Variants in SCUBE1 observed in about 807,000 individuals in gnomAD.
SCUBE1 encodes the protein signal peptide, CUB domain and EGF like domain containing 1, also known as signal peptide, CUB and EGF-like domain-containing protein 1.
Under a neutral mutation model 124.4 loss-of-function variants are expected in SCUBE1, and 59 were observed. The ratio of observed to expected loss-of-function variants is 0.47; its 90% CI spans 0.38 to 0.59. The LOEUF (loss-of-function observed/expected upper bound fraction) is 0.59. Among genes scored for constraint, SCUBE1 ranks in the 20% least tolerant of loss-of-function variants. SCUBE1 has a pLI of 0.00. For missense variants in SCUBE1, 1,150 were observed against 1,371.2 expected, an observed-to-expected ratio of 0.84 and a Z score of 2.55; for synonymous variants, 545 against 550.9, an observed-to-expected ratio of 0.99 and a Z score of 0.15.
chr22:43,258,734 G>A lies in SCUBE1; in HGVS notation c.611-399C>T, dbSNP rs1923761039. ...CCAGGACATACTTGTCAAGCTGTCG[G>A]GGGAGGGACATGGCGGCCCGTGGTT... On this transcript the variant is annotated intron_variant, in intron 5 of 21. Coordinates refer to ENST00000360835, the MANE Select transcript of SCUBE1 (RefSeq NM_173050.5). This position sits in a 1 kb window ranked among gnomAD's most constrained non-coding sequence, Gnocchi z 5.0. 6.6e-6 allele frequency among the ~76,000 whole-genome samples: 1 copy of A among 152,214 alleles called. No homozygotes were observed. Among genetic ancestry groups the A allele is most frequent in the Admixed American group, 6.5e-5 (1 of 15,288 alleles).
chr22:43,289,987 G>C (rs1223915183), intron 4 of SCUBE1, among the ~76,000 whole-genome samples: 1 of 152,180 alleles, frequency 6.6e-6, no homozygotes. Flanking sequence ...TCCTTGTTAA[G>C]GGTCAGCAAT....
At chr22:43,306,753 C>T (rs879525564) in intron 3 of SCUBE1, among the ~76,000 whole-genome samples, 12 of 152,252 alleles carry the variant, frequency 7.9e-5, no homozygotes, top group Admixed American at 4.6e-4. Context: ...GAAAGAAAAC[C>T]GAGAGCAGAG....
At position 43,268,296 on chromosome 22, in the gene SCUBE1, TC is replaced by T. The variant is rs1476167017; in HGVS notation, c.485-5452del. On this transcript the variant is annotated intron_variant, in intron 4 of 21. Transcript: ENST00000360835. ...CTGCTCTTGGGAGCCATAGGACAGCTCCCTTGACCTAGATATGGGGAGAACC... is the reference window on the plus strand; with the variant it reads ...CTGCTCTTGGGAGCCATAGGACAGCTCCTTGACCTAGATATGGGGAGAACC... 2.6e-5 allele frequency among the ~76,000 whole-genome samples: 4 copies of T among 152,190 alleles called. No individual in the cohort carries two copies. The East Asian group carries it at 7.7e-4, about 29-fold the overall frequency.
chr22:43,274,897 A>T (rs1924439566), intron 4 of SCUBE1, among the ~76,000 whole-genome samples: 1 of 152,202 alleles, frequency 6.6e-6, no homozygotes, highest in Non-Finnish European at 1.5e-5. Context: ...TCGAGGACAA[A>T]AGGGGCTCAT....
In SCUBE1 at chr22:43,198,696, A is replaced by G. The variant is rs1355687681; in HGVS notation, c.*5301T>C. On this transcript the variant is annotated 3_prime_UTR_variant, in exon 22 of 22. Coordinates refer to ENST00000360835, the MANE Select transcript of SCUBE1 (RefSeq NM_173050.5). ...GCCAGGGTGACCAGACTTCCTGAGC[A>G]TGGACCAGGGGAGGTGAAAATGGCT... 2.2e-6 allele frequency: 1 copy of G among 456,722 alleles called. No individual in the cohort carries two copies. The highest frequency in any genetic ancestry group is 6.9e-5 in the East Asian group (1 of 14,396). 28.3% of individuals were successfully genotyped at this position (456,722 alleles called of 1,614,324 possible).
At chr22:43,289,758 G>A (rs1925285622) in intron 4 of SCUBE1, among the ~76,000 whole-genome samples, 1 of 152,186 alleles carries the variant, frequency 6.6e-6, no homozygotes, top group Admixed American at 6.5e-5. Context: ...CGAGGAATCT[G>A]GGGAGCAGTC....
chr22:43,258,975 C>G lies in SCUBE1; in HGVS notation c.611-640G>C, dbSNP rs1601836064. Among the ~76,000 whole-genome samples, 2 of 152,338 alleles carry G rather than the reference C, an allele frequency of 1.3e-5. No individual in the cohort carries two copies. Among genetic ancestry groups the G allele is most frequent in the East Asian group, 3.9e-4 (2 of 5,188 alleles). ...TCTGAGGTACGGTTTTGAAAATCAC[C>G]TAAATAATAACCACGTTACATTGTT... is the stretch of plus-strand genomic sequence containing the variant. On this transcript the variant is annotated intron_variant, in intron 5 of 21. Transcript: ENST00000360835. The surrounding 1 kb of genome is among the most constrained non-coding windows in gnomAD (Gnocchi z 5.0).
intron 8 of SCUBE1, among the ~76,000 whole-genome samples, chr22:43,230,622 A>G (rs1054431022): frequency 4.6e-5 from 7 of 152,200 alleles, no homozygotes; most frequent in African/African-American, 1.7e-4. Flanking sequence ...AAGTCAGAAG[A>G]ACCCTGATAG....
intron 4 of SCUBE1, among the ~76,000 whole-genome samples, chr22:43,290,237 T>C (rs6003142): frequency 5.3e-5 from 8 of 150,116 alleles, no homozygotes; most frequent in South Asian, 2.1e-4. Context: ...GTGTCCTGGC[T>C]CTCTCCTCCA....
chr22:43,294,736 G>A (rs941637784), intron 3 of SCUBE1, among the ~76,000 whole-genome samples: 1 of 152,184 alleles, frequency 6.6e-6, no homozygotes, highest in Non-Finnish European at 1.5e-5. Flanking sequence ...GGTGTGTGCA[G>A]CCCTCCTCCT....
At chr22:43,281,554 C>T (rs73422087) in intron 4 of SCUBE1, among the ~76,000 whole-genome samples, 145 of 132,880 alleles carry the variant, frequency 1.1e-3, no homozygotes, top group African/African-American at 4.3e-3. Flanking sequence ...CCTCCTGTCA[C>T]CTCCCCCTCA....
chr22:43,238,905 T>C lies in SCUBE1; in HGVS notation c.777A>G (p.Thr259=), dbSNP rs774075537. 6.8e-6 allele frequency: 11 copies of C among 1,613,070 alleles called. No individual in the cohort carries two copies. The highest frequency in any genetic ancestry group is 6.7e-5 in the African/African-American group (5 of 74,944). ...NGGCDRTCKD[T]ATGVRCSCPV... ...GGCAGCTGCATCGCACGCCAGTGGC[T>C]GTGTCCTTGCATGTCCGGTCGCAGC... The change falls in exon 7 of 22, where the codon ACA becomes ACG. Residue 259 remains threonine, a synonymous_variant. Coordinates refer to ENST00000360835, the MANE Select transcript of SCUBE1 (RefSeq NM_173050.5).
chr22:43,294,728 T>C (rs541148483), intron 3 of SCUBE1, among the ~76,000 whole-genome samples: 1 of 152,230 alleles, frequency 6.6e-6, no homozygotes, highest in South Asian at 2.1e-4. Context: ...ATGCCTGTGG[T>C]GTGTGCAGCC....
chr22:43,233,997 A>G (rs1157476266), intron 7 of SCUBE1, among the ~76,000 whole-genome samples: 1 of 151,908 alleles, frequency 6.6e-6, no homozygotes, highest in Non-Finnish European at 1.5e-5. Context: ...TCACAGCACC[A>G]CACGCAGGAG....
chr22:43,229,305 A>G (rs1020137641), intron 8 of SCUBE1, 117 bp from the exon 9 acceptor site: 3 of 758,840 alleles, frequency 4.0e-6, no homozygotes, highest in Non-Finnish European at 7.0e-6. Context: ...CCCTGGGCGC[A>G]GGCGCAGCAC....
At chr22:43,241,414 C>T (rs1923001298) in intron 6 of SCUBE1, among the ~76,000 whole-genome samples, 2 of 152,078 alleles carry the variant, frequency 1.3e-5, no homozygotes, top group African/African-American at 2.4e-5. Flanking sequence ...ATCAGAAACT[C>T]GGCCCAAGGC....
Position 43,310,959 on chromosome 22 carries a change from T to C in SCUBE1, c.349+8978A>G, listed in dbSNP as rs142049193. Among the ~76,000 whole-genome samples, 930 of 152,194 alleles carry C rather than the reference T, an allele frequency of 6.1e-3. 7 individuals carry two copies. Among genetic ancestry groups the C allele is most frequent in the African/African-American group, 0.02 (831 of 41,516 alleles). The stretch of plus-strand genomic sequence containing the variant: ...ATCCCTGGCTAATTTTTTAAATTTC[T>C]GTAGAGATGGGGTCTTGCTATGTTG... On this transcript the variant is annotated intron_variant, in intron 3 of 21. Coordinates refer to ENST00000360835, the MANE Select transcript of SCUBE1 (RefSeq NM_173050.5).
intron 20 of SCUBE1, 139 bp from the exon 21 acceptor site, chr22:43,207,752 G>A (rs1921351804): frequency 1.4e-6 from 1 of 734,470 alleles, no homozygotes; most frequent in African/African-American, 1.7e-5. Context: ...CTCTGCCTCT[G>A]TGCCTTTGAA....
At chr22:43,214,802 C>T (rs138994) in intron 15 of SCUBE1, among the ~76,000 whole-genome samples, 14,490 of 152,174 alleles carry the variant, frequency 0.095, 772 homozygotes, top group Non-Finnish European at 0.11. Flanking sequence ...TGAACAAATA[C>T]GTCGACTGAT....
Sources: allele counts gnomAD v4.1 joint callset (sites outside exome capture counted in the v4.1 genomes callset), GRCh38; gene constraint gnomAD v4.1.1; non-coding constraint Gnocchi (gnomAD v3.1); transcripts MANE v1.5; gene names NCBI Gene and HGNC (gene_info 2026-07-23, HGNC 2026-07-21).